Variants in CTNNA2 observed in about 807,000 individuals in gnomAD.
CTNNA2 encodes the protein catenin alpha 2.
A neutral mutation model predicts 101.0 loss-of-function variants in CTNNA2; 42 were observed. The observed-to-expected ratio is 0.42, with a 90% CI of 0.32 to 0.54. The LOEUF is 0.54. Ranked by LOEUF, CTNNA2 falls within the 20% of genes least tolerant of loss-of-function variation. The pLI, the probability that CTNNA2 is intolerant of heterozygous loss-of-function variation, is 0.14. For missense variants in CTNNA2, 871 were observed against 1,223.1 expected, an observed-to-expected ratio of 0.71 and a Z score of 4.29; for synonymous variants, 450 against 456.4, an observed-to-expected ratio of 0.99 and a Z score of 0.18.
rs1675564437 is a variant in CTNNA2 at position 79,285,960 on chromosome 2, TA to T, written c.-405-26748del. Among the ~76,000 whole-genome samples, 3 of 148,602 alleles carry T rather than the reference TA, an allele frequency of 2.0e-5. No individual in the cohort carries two copies. In the South Asian group the frequency reaches 6.2e-4, roughly 31 times the overall value. ...CTCCTGTATTGGGTGCATATATATT[TA>T]GGATAGTTAGCTCTTCTTGTTGAAT... On this transcript the variant is annotated intron_variant, in intron 2 of 21. Coordinates refer to the CTNNA2 transcript ENST00000466387.
intron 16 of CTNNA2, among the ~76,000 whole-genome samples, chr2:80,604,589 T>C (rs1697843388): frequency 6.6e-6 from 1 of 152,058 alleles, no homozygotes; most frequent in Non-Finnish European, 1.5e-5. Flanking sequence ...ATGCCCTCTT[T>C]TGTTTACTTC....
At chr2:79,651,782 T>C in intron 2 of CTNNA2, 124 bp downstream of exon 2, 1 of 776,264 alleles carries the variant, frequency 1.3e-6, no homozygotes, top group South Asian at 1.7e-5. Context: ...GATTACTGAA[T>C]ATATATTACT....
At chr2:80,394,535 A>G (rs1445022372) in intron 8 of CTNNA2, among the ~76,000 whole-genome samples, 1 of 152,214 alleles carries the variant, frequency 6.6e-6, no homozygotes, top group East Asian at 1.9e-4. Flanking sequence ...GCAAATGAAT[A>G]TATGGCCAGG....
chr2:79,185,644 G>A (rs1381564200), intron 1 of CTNNA2: 1 of 152,082 alleles, frequency 6.6e-6, no homozygotes, highest in Non-Finnish European at 1.5e-5. Flanking sequence ...TCAATACCTA[G>A]ATAAGTACTT....
chr2:79,731,379 T>A (rs894895907), intron 2 of CTNNA2, among the ~76,000 whole-genome samples: 5 of 152,116 alleles, frequency 3.3e-5, no homozygotes, highest in African/African-American at 4.8e-5. Context: ...GTGGTTGATA[T>A]CTGTTTTCTG....
chr2:80,511,267 A>G (rs1482631468), intron 9 of CTNNA2, among the ~76,000 whole-genome samples: 1 of 152,216 alleles, frequency 6.6e-6, no homozygotes, highest in Non-Finnish European at 1.5e-5. Context: ...AGATGGAAAG[A>G]TATTAGAGAT....
intron 3 of CTNNA2, among the ~76,000 whole-genome samples, chr2:79,747,946 A>C (rs1290640458): frequency 2.0e-5 from 3 of 152,222 alleles, no homozygotes; most frequent in African/African-American, 7.2e-5. Flanking sequence ...AAAATAACCC[A>C]AAAAATGGGT....
chr2:80,054,103 C>T (rs934055865), intron 7 of CTNNA2, among the ~76,000 whole-genome samples: 1 of 152,200 alleles, frequency 6.6e-6, no homozygotes, highest in African/African-American at 2.4e-5. Flanking sequence ...TAAAAAGTAC[C>T]TATTCACTCT....
At chr2:80,090,526 C>T (rs987734174) in intron 7 of CTNNA2, among the ~76,000 whole-genome samples, 3 of 151,996 alleles carry the variant, frequency 2.0e-5, no homozygotes, top group South Asian at 4.1e-4. Flanking sequence ...AGCATGAGGA[C>T]GCTTGTGAAA....
chr2:79,829,657 AGTGCG>A (rs1678753926), intron 3 of CTNNA2, among the ~76,000 whole-genome samples: 1 of 151,898 alleles, frequency 6.6e-6, no homozygotes, highest in Non-Finnish European at 1.5e-5. Context: ...AAAAAAGAGG[AGTGCG>A]TATTCCTCGT....
intron 2 of CTNNA2, among the ~76,000 whole-genome samples, chr2:79,715,205 C>CAAAA (rs140432724): frequency 0.055 from 3,644 of 66,084 alleles, 182 homozygotes; most frequent in African/African-American, 0.094. Context: ...AAAATTCCGT[C>CAAAA]AAAAAAAAAA....
chr2:79,678,054 G>T (rs1308447698), intron 2 of CTNNA2, among the ~76,000 whole-genome samples: 1 of 152,164 alleles, frequency 6.6e-6, no homozygotes, highest in Admixed American at 6.5e-5. Flanking sequence ...GACGGTGGTG[G>T]TGATTCTTTA....
chr2:79,475,558 C>A lies in CTNNA2; in HGVS notation c.-134-29496C>A, dbSNP rs566202683. Among the ~76,000 whole-genome samples, 6 of 152,172 alleles carry A rather than the reference C, an allele frequency of 3.9e-5. No homozygotes were observed. In the South Asian group the frequency reaches 1.0e-3, roughly 26 times the overall value. On this transcript the variant is annotated intron_variant, in intron 4 of 21. Coordinates refer to the CTNNA2 transcript ENST00000466387. ...CCAAAGAGATGAACAAATCAAAATTCCAAATGAATATGTACTATGAAGCAT... is the reference window on the plus strand; with the variant it reads ...CCAAAGAGATGAACAAATCAAAATTACAAATGAATATGTACTATGAAGCAT...
At position 79,257,498 on chromosome 2, in the gene CTNNA2, T is replaced by TAA. The variant is rs61173996; in HGVS notation, c.-405-55198_-405-55197dup. 3.3e-3 allele frequency among the ~76,000 whole-genome samples: 457 copies of TAA among 136,982 alleles called. 3 individuals are homozygous for TAA. Among genetic ancestry groups the TAA allele is most frequent in the African/African-American group, 0.011 (421 of 37,450 alleles). 89.9% of individuals were successfully genotyped at this position (136,982 alleles called of 152,430 possible). ...TGGCAGAGGAAGGGAGAAAGTAGGTTAAAAAAAAAAAAAACTTCATAGGGA... is the reference window on the plus strand; with the variant it reads ...TGGCAGAGGAAGGGAGAAAGTAGGTTAAAAAAAAAAAAAAAACTTCATAGGGA... On this transcript the variant is annotated intron_variant, in intron 2 of 21. Coordinates refer to the CTNNA2 transcript ENST00000466387.
At position 79,289,175 on chromosome 2, in the gene CTNNA2, G is replaced by A. The variant is rs536142885; in HGVS notation, c.-405-23534G>A. On this transcript the variant is annotated intron_variant, in intron 2 of 21. Coordinates refer to the CTNNA2 transcript ENST00000466387. Reference sequence around the variant, plus strand: ...TTTGTCATTATTGTCTTTGTGATTCGAGAGGGTGGACTATAGATTCCACCT... The same window carrying A: ...TTTGTCATTATTGTCTTTGTGATTCAAGAGGGTGGACTATAGATTCCACCT... Among the ~76,000 whole-genome samples, 76 of 152,230 alleles carry A rather than the reference G, an allele frequency of 5.0e-4. 1 individual carries two copies. Among genetic ancestry groups the A allele is most frequent in the Admixed American group, 4.3e-3 (66 of 15,290 alleles).
At chr2:80,182,983 C>G (rs1573324853) in intron 7 of CTNNA2, among the ~76,000 whole-genome samples, 1 of 152,200 alleles carries the variant, frequency 6.6e-6, no homozygotes, top group Non-Finnish European at 1.5e-5. Flanking sequence ...GGAGAAGGAG[C>G]ATGATCACTT....
chr2:80,175,726 A>T (rs928359762), intron 7 of CTNNA2, among the ~76,000 whole-genome samples: 5 of 152,222 alleles, frequency 3.3e-5, no homozygotes, highest in African/African-American at 1.2e-4. Flanking sequence ...CAAGCTGAGG[A>T]GCAAGGAATC....
At position 79,874,493 on chromosome 2, in the gene CTNNA2, T is replaced by C. The variant is rs1326639671; in HGVS notation, c.852+151T>C. The C allele has an allele frequency of 1.0e-5, 10 of 985,374 alleles. No homozygotes were observed. The South Asian group carries it at 1.2e-4, about 12-fold the overall frequency. 61.0% of individuals were successfully genotyped at this position (985,374 alleles called of 1,614,324 possible). ...TAAGATAAACTACATAATGCATTTC[T>C]GTAATATATTGGCTAAGCCATTATC... On this transcript the variant is annotated intron_variant, in intron 6 of 18. Coordinates refer to ENST00000402739, the MANE Select transcript of CTNNA2 (RefSeq NM_001282597.3).
intron 1 of CTNNA2, among the ~76,000 whole-genome samples, chr2:79,597,088 A>C (rs1409325136): frequency 6.6e-6 from 1 of 152,182 alleles, no homozygotes; most frequent in Non-Finnish European, 1.5e-5. Flanking sequence ...AGTATTAAAT[A>C]TTCACAAAAT....
Sources: gnomAD v4.1 joint callset for allele counts (sites outside exome capture counted in the v4.1 genomes callset) on GRCh38, gnomAD v4.1.1 for gene constraint, MANE v1.5 for transcripts, NCBI Gene and HGNC (gene_info 2026-07-23, HGNC 2026-07-21) for gene names.